COX7B2: variants seen among roughly 807,000 people sequenced by gnomAD.
COX7B2 encodes cytochrome c oxidase subunit 7B2, mitochondrial.
For missense variants in COX7B2, 109 were observed against 95.9 expected (o/e 1.14, Z -0.57); for synonymous variants, 37 against 32.1 (o/e 1.15, Z -0.51).
chr4:46,883,923 G>C (rs1299890406), intron 1 of COX7B2, among the ~76,000 whole-genome samples: 1 of 152,028 alleles, frequency 6.6e-6, no homozygotes, highest in African/African-American at 2.4e-5. Flanking sequence ...AACTAGTCTG[G>C]AGAATCCTTT....
At chr4:46,771,034 GA>G (rs1269973816) in intron 2 of COX7B2, among the ~76,000 whole-genome samples, 27 of 151,998 alleles carry the variant, frequency 1.8e-4, no homozygotes, top group Non-Finnish European at 3.2e-4. Context: ...GACAATTTAA[GA>G]AATGAGAGAA....
intron 2 of COX7B2, among the ~76,000 whole-genome samples, chr4:46,813,257 T>C (rs944444677): frequency 6.6e-6 from 1 of 152,232 alleles, no homozygotes; most frequent in African/African-American, 2.4e-5. Context: ...CATCTGTTCA[T>C]GGGCATTCAG....
At chr4:46,840,289 C>A (rs779081922) in intron 2 of COX7B2, among the ~76,000 whole-genome samples, 3 of 151,956 alleles carry the variant, frequency 2.0e-5, no homozygotes, top group Non-Finnish European at 4.4e-5. Flanking sequence ...TTATATGTCA[C>A]TGGATAGAAT....
chr4:46,851,968 T>A (rs1019134019), intron 1 of COX7B2, among the ~76,000 whole-genome samples: 3 of 152,118 alleles, frequency 2.0e-5, no homozygotes, highest in Admixed American at 6.6e-5. Context: ...AGTTGGTAAG[T>A]ATCTTGGGAA....
At chr4:46,889,622 G>C (rs1397458904) in intron 1 of COX7B2, among the ~76,000 whole-genome samples, 2 of 152,128 alleles carry the variant, frequency 1.3e-5, no homozygotes, top group African/African-American at 4.8e-5. Flanking sequence ...TCAATCAATG[G>C]GTAATGGCAA....
At chr4:46,871,403 C>T (rs1717981723) in intron 1 of COX7B2, among the ~76,000 whole-genome samples, 1 of 152,134 alleles carries the variant, frequency 6.6e-6, no homozygotes, top group Non-Finnish European at 1.5e-5. Flanking sequence ...ATAACCTAGA[C>T]AATATCATCC....
intron 2 of COX7B2, among the ~76,000 whole-genome samples, chr4:46,735,840 G>T (rs1714331658): frequency 6.6e-6 from 1 of 152,068 alleles, no homozygotes; most frequent in Admixed American, 6.6e-5. Flanking sequence ...TTAACATTGA[G>T]GAATTATCTT....
chr4:46,896,995 T>C (rs1719802488), intron 1 of COX7B2, among the ~76,000 whole-genome samples: 1 of 152,220 alleles, frequency 6.6e-6, no homozygotes, highest in African/African-American at 2.4e-5. Context: ...GTGTCAGCTT[T>C]TGAACTTACA....
chr4:46,901,475 A>G (rs1335628727), intron 1 of COX7B2, among the ~76,000 whole-genome samples: 1 of 152,234 alleles, frequency 6.6e-6, no homozygotes, highest in Admixed American at 6.5e-5. Flanking sequence ...AGATCAATAT[A>G]TTACCTCTGC....
At chr4:46,879,745 G>C (rs987246269) in intron 1 of COX7B2, among the ~76,000 whole-genome samples, 1 of 149,972 alleles carries the variant, frequency 6.7e-6, no homozygotes, top group Non-Finnish European at 1.5e-5. Flanking sequence ...AGCCAATTGA[G>C]ACATATTTTG....
chr4:46,795,615 GT>G lies in COX7B2; in HGVS notation c.-50+49344del, dbSNP rs1172001839. On this transcript the variant is annotated intron_variant, in intron 2 of 2. Coordinates refer to ENST00000355591, the MANE Select transcript of COX7B2 (RefSeq NM_130902.3). ...TTGGTTACTGTAGCCTTGTAGTATA[GT>G]TTGAAGTCAGGTAGTGTGATGCCTC... Among the ~76,000 whole-genome samples, 57 of 111,016 alleles carry G rather than the reference GT, an allele frequency of 5.1e-4. 3 individuals are homozygous for G. Among genetic ancestry groups the G allele is most frequent in the African/African-American group, 2.1e-3 (54 of 25,170 alleles). 72.8% of individuals were successfully genotyped at this position (111,016 alleles called of 152,430 possible).
At chr4:46,887,758 C>A (rs1195875596) in intron 1 of COX7B2, among the ~76,000 whole-genome samples, 1 of 144,038 alleles carries the variant, frequency 6.9e-6, no homozygotes, top group Non-Finnish European at 1.5e-5. Flanking sequence ...AGAGACAAGA[C>A]AATCAAGTCA....
chr4:46,871,439 C>A (rs1717983887), intron 1 of COX7B2, among the ~76,000 whole-genome samples: 1 of 152,100 alleles, frequency 6.6e-6, no homozygotes, highest in Non-Finnish European at 1.5e-5. Flanking sequence ...GCAATGATTT[C>A]ATTACAAAGA....
intron 2 of COX7B2, among the ~76,000 whole-genome samples, chr4:46,775,252 T>C (rs761436931): frequency 1.3e-5 from 2 of 152,134 alleles, no homozygotes; most frequent in African/African-American, 2.4e-5. Flanking sequence ...GCATATATTA[T>C]AAGGCAGTAT....
chr4:46,812,639 A>G (rs1480923808), intron 2 of COX7B2, among the ~76,000 whole-genome samples: 1 of 152,114 alleles, frequency 6.6e-6, no homozygotes, highest in Non-Finnish European at 1.5e-5. Context: ...CTTCCAGAAG[A>G]GGGGGGATGT....
At chr4:46,773,698 G>C (rs914027982) in intron 2 of COX7B2, among the ~76,000 whole-genome samples, 1 of 152,064 alleles carries the variant, frequency 6.6e-6, no homozygotes, top group African/African-American at 2.4e-5. Flanking sequence ...TTTGAGCTGG[G>C]CTTCTGGATC....
At chr4:46,893,831 T>TA (rs1719588766) in intron 1 of COX7B2, among the ~76,000 whole-genome samples, 2 of 152,194 alleles carry the variant, frequency 1.3e-5, no homozygotes, top group South Asian at 2.1e-4. Flanking sequence ...TATATAGTTT[T>TA]AAAAAATGTG....
chr4:46,823,117 C>G (rs1026285689), intron 2 of COX7B2, among the ~76,000 whole-genome samples: 2 of 152,020 alleles, frequency 1.3e-5, no homozygotes, highest in Admixed American at 6.6e-5. Context: ...TTCCAGGAAA[C>G]CCACCACAAG....
At chr4:46,890,927 A>T (rs1352651232) in intron 1 of COX7B2, among the ~76,000 whole-genome samples, 1 of 152,200 alleles carries the variant, frequency 6.6e-6, no homozygotes, top group Non-Finnish European at 1.5e-5. Flanking sequence ...TGTAAAACAT[A>T]ACTAAATGGA....
Sources: allele counts gnomAD v4.1 joint callset (sites outside exome capture counted in the v4.1 genomes callset), GRCh38; gene constraint gnomAD v4.1.1; transcripts MANE v1.5; gene names NCBI Gene and HGNC (gene_info 2026-07-23, HGNC 2026-07-21).